Variants in SUPT6H observed in about 807,000 individuals in gnomAD.
SUPT6H encodes the protein transcription elongation factor SPT6.
SUPT6H carries 11 observed loss-of-function variants against 222.3 expected under a neutral mutation model. The ratio of observed to expected loss-of-function variants is 0.05; its 90% CI spans 0.03 to 0.08. The LOEUF (loss-of-function observed/expected upper bound fraction) is 0.08, where lower values mean the gene tolerates loss of function less well. Ranked by LOEUF, SUPT6H falls within the 10% of genes least tolerant of loss-of-function variation. The pLI, the probability that SUPT6H is intolerant of heterozygous loss-of-function variation, is 1.00. For synonymous variants in SUPT6H, 762 were observed against 801.2 expected (o/e 0.95, Z 0.83); for missense variants, 1,422 against 2,216.0 (o/e 0.64, Z 7.19).
At chr17:28,670,949 G>T (rs1485570863) in intron 1 of SUPT6H, 1 of 152,056 alleles carries the variant, frequency 6.6e-6, no homozygotes, top group Admixed American at 6.5e-5. Flanking sequence ...CAGAGTATAT[G>T]TACATTGTAG....
intron 27 of SUPT6H, among the ~76,000 whole-genome samples, chr17:28,692,185 A>G (rs1346798619): frequency 1.3e-5 from 2 of 151,556 alleles, no homozygotes; most frequent in South Asian, 2.1e-4. Context: ...TTAGCCAGGC[A>G]TGGTGGTGGG....
chr17:28,682,075 C>T, intron 13 of SUPT6H, 95 bp downstream of exon 13: 1 of 975,892 alleles, frequency 1.0e-6, no homozygotes. Flanking sequence ...GAAAGGCTAT[C>T]TGGGTCAATC....
At position 28,686,424 on chromosome 17, in the gene SUPT6H, G is replaced by A. The variant is rs771675098; in HGVS notation, c.2564+9G>A. On this transcript the variant is annotated intron_variant, in intron 20 of 36. Transcript: ENST00000314616. Reference sequence around the variant, plus strand: ...GTTGCAGGAGAGAACAGGTAGGTAGGGATTAGACCACACCTGGTTTAAGGC... The same window carrying A: ...GTTGCAGGAGAGAACAGGTAGGTAGAGATTAGACCACACCTGGTTTAAGGC... The A allele has an allele frequency of 6.2e-7, 1 of 1,613,770 alleles. No homozygotes were observed. The highest frequency in any genetic ancestry group is 1.1e-5 in the South Asian group (1 of 91,044).
At chr17:28,691,869 C>T (rs1428735243) in intron 27 of SUPT6H, 2 of 149,984 alleles carry the variant, frequency 1.3e-5, no homozygotes, top group Non-Finnish European at 3.0e-5. Flanking sequence ...AAAAAAGAAA[C>T]TTCTTATGGT....
chr17:28,691,474 C>T (rs1391117605), intron 27 of SUPT6H: 2 of 169,752 alleles, frequency 1.2e-5, no homozygotes, highest in East Asian at 3.2e-4. Context: ...TGCAGTGAGC[C>T]GAGATCATAC....
chr17:28,676,078 A>G, intron 6 of SUPT6H, 79 bp from the exon 7 acceptor site: 1 of 1,473,784 alleles, frequency 6.8e-7, no homozygotes, highest in Non-Finnish European at 9.1e-7. Context: ...CCTTGGGACA[A>G]GTAAAGGATC....
chr17:28,683,103 T>G lies in SUPT6H; in HGVS notation c.1878+11T>G. On this transcript the variant is annotated intron_variant, in intron 15 of 36. Transcript: ENST00000314616. ...AAGAAAGGTAGAAAGGTGAGCTGGGTGAAGGGCTTTGATCCAAGATGTGCA... is the reference window on the plus strand; with the variant it reads ...AAGAAAGGTAGAAAGGTGAGCTGGGGGAAGGGCTTTGATCCAAGATGTGCA... 6.3e-7 allele frequency: 1 copy of G among 1,585,592 alleles called. No individual in the cohort carries two copies. The highest frequency in any genetic ancestry group is 8.6e-7 in the Non-Finnish European group (1 of 1,168,332).
At position 28,700,960 on chromosome 17, in the gene SUPT6H, A is replaced by G. The variant is rs774671325; in HGVS notation, c.4826A>G (p.Gln1609Arg). The G allele has an allele frequency of 1.9e-6, 3 of 1,612,898 alleles. No homozygotes were observed. The highest frequency in any genetic ancestry group is 1.7e-6 in the Non-Finnish European group (2 of 1,179,094). The change falls in exon 36 of 37, where the codon CAG (glutamine) becomes CGG (arginine). Residue 1609 changes from glutamine (Q) to arginine (R), a missense_variant. Around this residue, in one of 13 missense-constraint regions of SUPT6H, gnomAD observed 395 missense variants for 580.6 expected, o/e 0.68. Transcript: ENST00000314616. ...CTCCAGGTATTCCCAACGCCAGCCC[A>G]GCAGCCAGTGGCCACACCACTAATG... ...SAYHVFPTPA[Q>R]QPVATPLMTP... is the part of the protein sequence containing the mutation.
intron 8 of SUPT6H, 104 bp from the exon 9 acceptor site, chr17:28,677,972 T>C: frequency 7.2e-7 from 1 of 1,387,048 alleles, no homozygotes; most frequent in Non-Finnish European, 1.0e-6. Flanking sequence ...GAAAAATTTT[T>C]TAGATTTCAT....
chr17:28,667,097 A>C (rs529852231), intron 1 of SUPT6H, among the ~76,000 whole-genome samples: 1 of 151,898 alleles, frequency 6.6e-6, no homozygotes, highest in Admixed American at 6.6e-5. Flanking sequence ...CATAAAATAT[A>C]GGATACAAGT....
chr17:28,676,392 A>G lies in SUPT6H; in HGVS notation c.859A>G (p.Asn287Asp). 6.2e-7 allele frequency: 1 copy of G among 1,613,924 alleles called. No individual in the cohort carries two copies. Among genetic ancestry groups the G allele is most frequent in the Non-Finnish European group, 8.5e-7 (1 of 1,180,006 alleles). Residue 287 changes from asparagine to aspartate, a missense_variant, in exon 7 of 37, where the codon AAT becomes GAT. Asn to Asp is a conservative substitution (Grantham distance 23, BLOSUM62 1). Coordinates refer to ENST00000314616, the MANE Select transcript of SUPT6H (RefSeq NM_003170.5). Reference protein sequence around the residue: ...LESSHLTDQDNEIRATDLPER... With the variant: ...LESSHLTDQDDEIRATDLPER... ...AAGCAGCCACCTCACAGATCAGGAC[A>G]ATGAAATCCGAGCCACTGACCTGCC...
At chr17:28,664,140 CT>C (rs1448097612) in intron 1 of SUPT6H, among the ~76,000 whole-genome samples, 1 of 152,170 alleles carries the variant, frequency 6.6e-6, no homozygotes, top group Non-Finnish European at 1.5e-5. Context: ...ACATTTCACT[CT>C]TGGATTTTCT....
At position 28,677,081 on chromosome 17, in the gene SUPT6H, T is replaced by C. The variant is rs2030792873; in HGVS notation, c.898-634T>C. Among the ~76,000 whole-genome samples the C allele has an allele frequency of 2.0e-5, 3 of 148,382 alleles. No individual in the cohort carries two copies. The South Asian group carries it at 6.4e-4, about 32-fold the overall frequency. On this transcript the variant is annotated intron_variant, in intron 7 of 36. Transcript: ENST00000314616. The stretch of plus-strand genomic sequence containing the variant: ...CCGTCTTTACTAAAAATGTAAAAAA[T>C]TAGCTGGGCGGCCAGGCACGGTGAC...
Position 28,662,242 on chromosome 17 carries a change from C to T in SUPT6H, c.-132C>T, listed in dbSNP as rs536179267. 2.2e-4 allele frequency: 46 copies of T among 204,494 alleles called. No individual in the cohort carries two copies. Among genetic ancestry groups the T allele is most frequent in the African/African-American group, 1.0e-3 (45 of 43,394 alleles). The allele number at this position is 204,494 out of a possible 1,614,324, so 12.7% of individuals were successfully genotyped here. Reference sequence around the variant, plus strand: ...GCGGCGGCGGTGGCGGCGGAGGGGCCGTGCGGTGGGTCCGTACTATCTTTT... The same window carrying T: ...GCGGCGGCGGTGGCGGCGGAGGGGCTGTGCGGTGGGTCCGTACTATCTTTT... On this transcript the variant is annotated 5_prime_UTR_variant, in exon 1 of 37. Transcript: ENST00000314616.
rs116966035 is a variant in SUPT6H, at chr17:28,697,817, C to T, written c.4323+84C>T. The T allele has an allele frequency of 6.9e-4, 1,102 of 1,604,230 alleles. 13 individuals are homozygous for T. In the East Asian group the frequency reaches 0.02, roughly 29 times the overall value. On this transcript the variant is annotated intron_variant, in intron 31 of 36. Coordinates refer to ENST00000314616, the MANE Select transcript of SUPT6H (RefSeq NM_003170.5). ...CCCTTCAGTATAGGGGACACTCAGGCGGTGAAGGAAGTGTACATCATGTGT... is the reference window on the plus strand; with the variant it reads ...CCCTTCAGTATAGGGGACACTCAGGTGGTGAAGGAAGTGTACATCATGTGT...
chr17:28,669,867 C>T (rs560437101), intron 1 of SUPT6H, among the ~76,000 whole-genome samples: 5 of 152,328 alleles, frequency 3.3e-5, no homozygotes, highest in Admixed American at 6.5e-5. Context: ...ACCCAGGAGG[C>T]GGAGGTTGCA....
chr17:28,678,437 C>T, intron 9 of SUPT6H, 108 bp from the exon 10 acceptor site: 1 of 1,145,816 alleles, frequency 8.7e-7, no homozygotes, highest in Admixed American at 1.9e-5. Context: ...AGGCTTCTGA[C>T]TGTTGAATTT....
At chr17:28,663,526 C>G (rs1011928529) in intron 1 of SUPT6H, among the ~76,000 whole-genome samples, 1 of 152,082 alleles carries the variant, frequency 6.6e-6, no homozygotes, top group African/African-American at 2.4e-5. Flanking sequence ...TAGGCAAATA[C>G]GTTTGCCCTG....
rs2031192769 is a variant in SUPT6H, at chr17:28,682,955, C to A, written c.1741C>A (p.Pro581Thr). 4.3e-6 allele frequency: 7 copies of A among 1,612,266 alleles called. No individual in the cohort carries two copies. Among genetic ancestry groups the A allele is most frequent in the Non-Finnish European group, 5.1e-6 (6 of 1,179,064 alleles). ...TTTTCCCCACAGCCAGTTCCCTACT[C>A]CAGAAGCTGTGCTAGAAGGCGCCCG... ...KDYVCSQFPT[P>T]EAVLEGARYM... The change falls in exon 15 of 37, where the codon CCA becomes ACA. Residue 581 changes from proline (P) to threonine (T), a missense_variant. Around this residue, in one of 13 missense-constraint regions of SUPT6H, gnomAD observed 121 missense variants for 158.0 expected, o/e 0.77. Coordinates refer to ENST00000314616, the MANE Select transcript of SUPT6H (RefSeq NM_003170.5).
Sources: allele counts gnomAD v4.1 joint callset (sites outside exome capture counted in the v4.1 genomes callset), GRCh38; gene constraint gnomAD v4.1.1; regional missense constraint gnomAD v4.1.1; transcripts MANE v1.5; gene names NCBI Gene and HGNC (gene_info 2026-07-23, HGNC 2026-07-21).